The following LEMD2 variants were observed in gnomAD, a reference collection of about 807,000 sequenced individuals.
LEMD2 encodes the protein LEM domain-containing protein 2.
In LEMD2, 34 loss-of-function variants were observed where a neutral mutation model predicts 58.8. The ratio of observed to expected loss-of-function variants is 0.58; its 90% CI spans 0.44 to 0.77. The LOEUF is 0.77. Among genes scored for constraint, LEMD2 ranks in the 30% least tolerant of loss-of-function variants. The pLI, the probability that LEMD2 is intolerant of heterozygous loss-of-function variation, is 0.00. For synonymous variants in LEMD2, 298 were observed against 308.9 expected (o/e 0.96, Z 0.37); for missense variants, 629 against 717.9 (o/e 0.88, Z 1.42).
chr6:33,780,050 G>A lies in LEMD2; in HGVS notation c.1010+50C>T, dbSNP rs757252093. 28 of 1,456,426 alleles carry A rather than the reference G, an allele frequency of 1.9e-5. No individual in the cohort carries two copies. The South Asian group carries it at 3.3e-4, about 17-fold the overall frequency. 90.2% of individuals were successfully genotyped at this position (1,456,426 alleles called of 1,614,324 possible). A position where few individuals can be genotyped will look rare whatever the true frequency, so the allele number is the denominator to read the frequency against. On this transcript the variant is annotated intron_variant, in intron 5 of 8. Transcript: ENST00000293760. ...GCACGGGTGTTAGCTGACGAGCGAGGACAGTGGTTGCAGGCACCCATGCTG... is the reference window on the plus strand; with the variant it reads ...GCACGGGTGTTAGCTGACGAGCGAGAACAGTGGTTGCAGGCACCCATGCTG...
At chr6:33,776,278 T>C (rs1767428087) in intron 8 of LEMD2, among the ~76,000 whole-genome samples, 1 of 152,216 alleles carries the variant, frequency 6.6e-6, no homozygotes, top group Non-Finnish European at 1.5e-5. Context: ...GGTCATGGTT[T>C]AAAAAGTTTG....
chr6:33,773,601 G>T (rs1438254907), intron 8 of LEMD2, among the ~76,000 whole-genome samples: 2 of 149,120 alleles, frequency 1.3e-5, no homozygotes, highest in Non-Finnish European at 3.0e-5. Context: ...AGGCGGGGGG[G>T]GGGCTAGGGC....
chr6:33,786,834 A>G (rs561358256), intron 1 of LEMD2, 60 bp from the exon 2 acceptor site: 75 of 1,605,308 alleles, frequency 4.7e-5, no homozygotes, highest in Non-Finnish European at 5.7e-5. Flanking sequence ...GGAATACAAA[A>G]AGAGACTACT....
At chr6:33,773,418 G>A (rs1226387679) in intron 8 of LEMD2, among the ~76,000 whole-genome samples, 1 of 152,148 alleles carries the variant, frequency 6.6e-6, no homozygotes, top group Non-Finnish European at 1.5e-5. Context: ...AGCCATGGGG[G>A]AGGGTCACTT....
At chr6:33,777,106 G>T (rs534861981) in intron 7 of LEMD2, 32 bp downstream of exon 7, 3 of 1,610,616 alleles carry the variant, frequency 1.9e-6, no homozygotes, top group African/African-American at 2.7e-5. Flanking sequence ...GGCTGGCGTC[G>T]GCAACCCTTT....
In LEMD2 at chr6:33,775,908, C is replaced by T. The variant is rs563873501; in HGVS notation, c.1361+1046G>A. ...AGCAAGGGTGAGCTCTCAGCATCAC[C>T]CAGCAGATGACAGCATCTGGCCAGA... On this transcript the variant is annotated intron_variant, in intron 8 of 8. Coordinates refer to ENST00000293760, the MANE Select transcript of LEMD2 (RefSeq NM_181336.4). Among the ~76,000 whole-genome samples the T allele has an allele frequency of 2.9e-3, 449 of 152,320 alleles. 4 individuals are homozygous for T. The highest frequency in any genetic ancestry group is 0.01 in the African/African-American group (434 of 41,554).
intron 5 of LEMD2, 43 bp downstream of exon 5, chr6:33,780,057 G>C: frequency 6.7e-7 from 1 of 1,499,386 alleles, no homozygotes. Context: ...GAGGACAGTG[G>C]TTGCAGGCAC....
Position 33,772,655 on chromosome 6 carries a change from G to C in LEMD2, c.1485C>G (p.Pro495=). The change falls in exon 9 of 9, where the codon CCC becomes CCG. Residue 495 remains proline (P), a synonymous_variant. Coordinates refer to ENST00000293760, the MANE Select transcript of LEMD2 (RefSeq NM_181336.4). ...ATCGCTCTGAGTCAGAGAAGGAAGAGGGCTTAGTCCATCTCCACACCAGCA... is the reference window on the plus strand; with the variant it reads ...ATCGCTCTGAGTCAGAGAAGGAAGACGGCTTAGTCCATCTCCACACCAGCA... ...EDMLVWRWTK[P]SSFSDSER is the part of the protein sequence containing the mutation. 1.9e-6 allele frequency: 3 copies of C among 1,614,016 alleles called. No individual in the cohort carries two copies. The highest frequency in any genetic ancestry group is 2.2e-5 in the South Asian group (2 of 91,086).
chr6:33,788,902 G>A lies in LEMD2; in HGVS notation c.215C>T (p.Ala72Val). The change falls in exon 1 of 9, where the codon GCG (alanine) becomes GTG (valine). Residue 72 changes from alanine to valine, a missense_variant. Around this residue, in one of 2 missense-constraint regions of LEMD2, gnomAD observed 386 missense variants for 381.1 expected, o/e 1.01. Transcript: ENST00000293760. ...CGCGGCGGGCCGGGCGCGCAGCGGC[G>A]CATCCTCGCGTAACCGGGCCTCTTC... ...LREEARLRED[A>V]PLRARPAAAS... The A allele has an allele frequency of 1.4e-6, 2 of 1,413,522 alleles. No individual in the cohort carries two copies. The highest frequency in any genetic ancestry group is 1.5e-5 in the South Asian group (1 of 66,564). The allele number at this position is 1,413,522 out of a possible 1,614,324, so 87.6% of individuals were successfully genotyped here. A position where few individuals can be genotyped will look rare whatever the true frequency, so the allele number is the denominator to read the frequency against.
chr6:33,786,935 G>A, intron 1 of LEMD2, 161 bp from the exon 2 acceptor site: 4 of 1,439,172 alleles, frequency 2.8e-6, no homozygotes, highest in Non-Finnish European at 3.6e-6. Flanking sequence ...AATGCAGACA[G>A]CAAAATGTAA....
intron 8 of LEMD2, among the ~76,000 whole-genome samples, chr6:33,773,292 G>T (rs971949001): frequency 2.0e-5 from 3 of 152,158 alleles, no homozygotes; most frequent in Non-Finnish European, 4.4e-5. Flanking sequence ...ACAACGGAGG[G>T]CCCCTTCAGT....
At chr6:33,783,131 G>A (rs761491879) in intron 3 of LEMD2, among the ~76,000 whole-genome samples, 7 of 152,192 alleles carry the variant, frequency 4.6e-5, no homozygotes, top group Non-Finnish European at 8.8e-5. Flanking sequence ...GAGCTCCCAC[G>A]TGATGCAGAT....
In LEMD2 at chr6:33,778,109, G is replaced by T; in HGVS notation, c.1156+133C>A. On this transcript the variant is annotated intron_variant, in intron 6 of 8. Transcript: ENST00000293760. The surrounding 1 kb of genome is among the most constrained non-coding windows in gnomAD (Gnocchi z 4.7). Reference sequence around the variant, plus strand: ...AGAGGCTGACTTGTTCATCTCCTCTGTTTTATGAGACAGACCTCAGGTTCA... The same window carrying T: ...AGAGGCTGACTTGTTCATCTCCTCTTTTTTATGAGACAGACCTCAGGTTCA... 1 of 840,094 alleles carries T rather than the reference G, an allele frequency of 1.2e-6. No individual in the cohort carries two copies. The highest frequency in any genetic ancestry group is 1.7e-6 in the Non-Finnish European group (1 of 586,738). 52.0% of individuals were successfully genotyped at this position (840,094 alleles called of 1,614,324 possible).
rs1162217733 is a variant in LEMD2 at position 33,772,754 on chromosome 6, G to T, written c.1386C>A (p.Asp462Glu). 2 of 1,613,812 alleles carry T rather than the reference G, an allele frequency of 1.2e-6. No homozygotes were observed. The highest frequency in any genetic ancestry group is 3.3e-5 in the Admixed American group (2 of 60,000). ...QSRRRMKRVW[D>E]RAVEFLASNE... The stretch of plus-strand genomic sequence containing the variant: ...TGGAGGCCAGGAACTCCACAGCTCG[G>T]TCCCAGACACGCTTCATGCGCCTCC... Residue 462 changes from aspartate to glutamate, a missense_variant, in exon 9 of 9, where the codon GAC (aspartate) becomes GAA (glutamate). Physicochemically the swap from Asp to Glu is conservative, Grantham distance 45. This residue lies in a region of LEMD2 where 243 missense variants were observed against 336.8 expected (regional missense o/e 0.72). Transcript: ENST00000293760.
In LEMD2 at chr6:33,778,595, G is replaced by A. The variant is rs571204220; in HGVS notation, c.1011-208C>T. ...GAATAAAGCTTTAAAGACGGCAGCA[G>A]GCTTGAACCCCTACCGCTAAAGCAA... On this transcript the variant is annotated intron_variant, in intron 5 of 8. Coordinates refer to ENST00000293760, the MANE Select transcript of LEMD2 (RefSeq NM_181336.4). This position sits in a 1 kb window ranked among gnomAD's most constrained non-coding sequence, Gnocchi z 4.7. 8.7e-4 allele frequency: 349 copies of A among 401,056 alleles called. 1 individual carries two copies. Among genetic ancestry groups the A allele is most frequent in the Non-Finnish European group, 1.3e-3 (293 of 227,886 alleles). The allele number at this position is 401,056 out of a possible 1,614,324, so 24.8% of individuals were successfully genotyped here. A position where few individuals can be genotyped will look rare whatever the true frequency, so the allele number is the denominator to read the frequency against.
At chr6:33,785,668 G>C (rs1767661930) in intron 2 of LEMD2, among the ~76,000 whole-genome samples, 1 of 152,158 alleles carries the variant, frequency 6.6e-6, no homozygotes, top group South Asian at 2.1e-4. Context: ...TCCTGTTTTT[G>C]TTTTAAGTCT....
intron 8 of LEMD2, 55 bp downstream of exon 8, chr6:33,776,899 C>T: frequency 7.1e-7 from 1 of 1,398,886 alleles, no homozygotes; most frequent in Non-Finnish European, 1.0e-6. Context: ...CTGGGGAGCT[C>T]AGTGGGGTCG....
At chr6:33,784,589 A>G (rs1430546736) in intron 2 of LEMD2, 162 bp from the exon 3 acceptor site, 1 of 588,858 alleles carries the variant, frequency 1.7e-6, no homozygotes, top group African/African-American at 1.9e-5. Context: ...GGGCCTAGGG[A>G]GAGAGTTGAT....
Position 33,772,727 on chromosome 6 carries a change from G to A in LEMD2, c.1413C>T (p.Asn471=), listed in dbSNP as rs144082247. ...WDRAVEFLAS[N]ESRIQTESHR... Reference sequence around the variant, plus strand: ...GGGACTCCGTCTGGATCCGGGATTCGTTGGAGGCCAGGAACTCCACAGCTC... The same window carrying A: ...GGGACTCCGTCTGGATCCGGGATTCATTGGAGGCCAGGAACTCCACAGCTC... The change falls in exon 9 of 9, where the codon AAC becomes AAT. Residue 471 remains asparagine (N), a synonymous_variant. Transcript: ENST00000293760. The A allele has an allele frequency of 3.7e-5, 60 of 1,613,890 alleles. No homozygotes were observed. In the African/African-American group the frequency reaches 4.1e-4, roughly 11 times the overall value.
Sources: gnomAD v4.1 joint callset for allele counts (sites outside exome capture counted in the v4.1 genomes callset) on GRCh38, gnomAD v4.1.1 for gene constraint, gnomAD v4.1.1 regional missense constraint, Gnocchi (gnomAD v3.1) non-coding constraint, MANE v1.5 for transcripts, NCBI Gene and HGNC (gene_info 2026-07-23, HGNC 2026-07-21) for gene names.